Variants in LPA observed in about 807,000 individuals in gnomAD.
LPA encodes the protein lipoprotein(a), also known as apolipoprotein(a).
LPA carries 199 observed loss-of-function variants against 197.9 expected under a neutral mutation model. That is an observed-to-expected ratio of 1.01 (90% CI 0.90 to 1.13). The LOEUF (loss-of-function observed/expected upper bound fraction) is 1.13, where lower values mean the gene tolerates loss of function less well. Ranked by LOEUF, LPA falls within the 50% of genes most tolerant of loss-of-function variation. The pLI, the probability that LPA is intolerant of heterozygous loss-of-function variation, is 0.00. For synonymous variants in LPA, 715 were observed against 639.5 expected (o/e 1.12, Z -1.78); for missense variants, 1,853 against 1,785.8 (o/e 1.04, Z -0.68).
At chr6:160,555,463 GTA>G (rs1210347450) in intron 30 of LPA, among the ~76,000 whole-genome samples, 58 of 103,750 alleles carry the variant, frequency 5.6e-4, no homozygotes, top group African/African-American at 1.2e-3. Flanking sequence ...ATATGTGTGT[GTA>G]TATATATATG....
At chr6:160,661,852 A>G (rs1439399004) in intron 1 of LPA, among the ~76,000 whole-genome samples, 6 of 152,256 alleles carry the variant, frequency 3.9e-5, no homozygotes. Context: ...TTCAAAACAC[A>G]CAATAAATTA....
chr6:160,553,919 TTCTCTC>T (rs969332451), intron 30 of LPA, among the ~76,000 whole-genome samples: 17 of 111,326 alleles, frequency 1.5e-4, no homozygotes, highest in Non-Finnish European at 3.0e-4. Flanking sequence ...CTCTCTCTCT[TTCTCTC>T]TCTCTCTCTC....
At chr6:160,632,304 G>C (rs1466745211) in intron 8 of LPA, among the ~76,000 whole-genome samples, 1 of 97,210 alleles carries the variant, frequency 1.0e-5, no homozygotes, top group Non-Finnish European at 2.0e-5. Flanking sequence ...GAGCCTGTTT[G>C]TATTACCCGA....
At chr6:160,567,101 C>A (rs1235024286) in intron 28 of LPA, among the ~76,000 whole-genome samples, 1 of 152,208 alleles carries the variant, frequency 6.6e-6, no homozygotes, top group African/African-American at 2.4e-5. Flanking sequence ...AGAAAGTTAA[C>A]ATGGATATCC....
intron 28 of LPA, among the ~76,000 whole-genome samples, chr6:160,570,186 A>G (rs1054407862): frequency 1.1e-4 from 17 of 152,172 alleles, no homozygotes; most frequent in African/African-American, 3.4e-4. Context: ...ACATGCACAC[A>G]TATGTTTATT....
At chr6:160,566,372 T>C (rs1233592857) in intron 28 of LPA, among the ~76,000 whole-genome samples, 2 of 152,210 alleles carry the variant, frequency 1.3e-5, no homozygotes, top group African/African-American at 4.8e-5. Flanking sequence ...CAACTGAGAA[T>C]ATCATATCCA....
chr6:160,596,030 G>A (rs1332310426), intron 20 of LPA, among the ~76,000 whole-genome samples: 2 of 152,180 alleles, frequency 1.3e-5, no homozygotes, highest in Admixed American at 6.5e-5. Flanking sequence ...TCTCTCTACA[G>A]GACTACACTA....
chr6:160,537,960 G>A lies in LPA; in HGVS notation c.5737C>T (p.Pro1913Ser), dbSNP rs747600833. The change falls in exon 37 of 39, where the codon CCT (proline) becomes TCT (serine). Residue 1913 changes from proline to serine, a missense_variant and splice_region_variant. By Grantham distance (74) the Pro-to-Ser change is moderately conservative (BLOSUM62 -1). Transcript: ENST00000316300. Reference sequence around the variant, plus strand: ...ATTACTTTGTCAGTGATGACGGCAGGCCTGTAAGGAAAGTATTAGCAGTTA... The same window carrying A: ...ATTACTTTGTCAGTGATGACGGCAGACCTGTAAGGAAAGTATTAGCAGTTA... The part of the protein sequence containing the change: ...ADIALLKLSR[P>S]AVITDKVMPA... 63 of 1,613,978 alleles carry A rather than the reference G, an allele frequency of 3.9e-5. No homozygotes were observed. The highest frequency in any genetic ancestry group is 5.3e-5 in the Non-Finnish European group (63 of 1,179,834).
rs1476228852 is a variant in LPA at position 160,660,118 on chromosome 6, C to T, written c.49+4048G>A. The stretch of plus-strand genomic sequence containing the variant: ...ATACAGGTGTTTGATATGAATTCTA[C>T]GTAATGGCTGCATTGCTTCTTGCCA... On this transcript the variant is annotated intron_variant, in intron 1 of 38. Coordinates refer to ENST00000316300, the MANE Select transcript of LPA (RefSeq NM_005577.4). Among the ~76,000 whole-genome samples, 4 of 152,342 alleles carry T rather than the reference C, an allele frequency of 2.6e-5. No individual in the cohort carries two copies. In the East Asian group the frequency reaches 5.8e-4, roughly 22 times the overall value.
chr6:160,608,456 T>C (rs570289555), intron 16 of LPA, among the ~76,000 whole-genome samples: 8 of 152,276 alleles, frequency 5.3e-5, no homozygotes, highest in African/African-American at 1.9e-4. Context: ...GCATTAGCAA[T>C]TTGTATCACT....
chr6:160,594,207 T>C, intron 21 of LPA, 90 bp from the exon 22 acceptor site: 6 of 1,512,218 alleles, frequency 4.0e-6, no homozygotes, highest in Non-Finnish European at 5.5e-6. Flanking sequence ...GATCATTGTC[T>C]CTGAGAAAGA....
At chr6:160,588,254 G>A (rs545710849) in intron 24 of LPA, among the ~76,000 whole-genome samples, 1 of 150,706 alleles carries the variant, frequency 6.6e-6, no homozygotes, top group Non-Finnish European at 1.5e-5. Context: ...AAGGGGGGTT[G>A]AGTTTTTTTT....
At chr6:160,648,116 A>T (rs1779935236) in intron 2 of LPA, among the ~76,000 whole-genome samples, 1 of 152,174 alleles carries the variant, frequency 6.6e-6, no homozygotes, top group Admixed American at 6.5e-5. Flanking sequence ...TAGCCTTCTC[A>T]GTTGAGCTCT....
At chr6:160,572,534 T>C (rs557493801) in intron 28 of LPA, among the ~76,000 whole-genome samples, 3 of 152,344 alleles carry the variant, frequency 2.0e-5, no homozygotes, top group South Asian at 2.1e-4. Flanking sequence ...GATTCTGTTT[T>C]CATGTGTTTC....
Position 160,579,141 on chromosome 6 carries a change from T to C in LPA, c.4290-437A>G, listed in dbSNP as rs188358271. On this transcript the variant is annotated intron_variant, in intron 26 of 38. Transcript: ENST00000316300. ...ATAAGACTATATAGTAATATGTAAGTTGGAACTCAAATACATTTCCCCAAG... is the reference window on the plus strand; with the variant it reads ...ATAAGACTATATAGTAATATGTAAGCTGGAACTCAAATACATTTCCCCAAG... Among the ~76,000 whole-genome samples, 382 of 152,254 alleles carry C rather than the reference T, an allele frequency of 2.5e-3. 1 individual carries two copies. Among genetic ancestry groups the C allele is most frequent in the Non-Finnish European group, 4.3e-3 (291 of 68,020 alleles).
intron 20 of LPA, among the ~76,000 whole-genome samples, chr6:160,597,998 G>GT (rs1359226367): frequency 2.0e-5 from 3 of 152,286 alleles, no homozygotes; most frequent in South Asian, 4.1e-4. Flanking sequence ...GCTTTGCTAG[G>GT]TTTTTTCTGG....
At chr6:160,544,407 A>T (rs1160080068) in intron 33 of LPA, among the ~76,000 whole-genome samples, 1 of 152,118 alleles carries the variant, frequency 6.6e-6, no homozygotes, top group East Asian at 1.9e-4. Context: ...ACTCACACTA[A>T]ATCCAGAGAC....
At chr6:160,533,545 A>G (rs1777839137) in intron 37 of LPA, among the ~76,000 whole-genome samples, 1 of 152,132 alleles carries the variant, frequency 6.6e-6, no homozygotes, top group South Asian at 2.1e-4. Flanking sequence ...TTTGTTCATA[A>G]ATTTCATTCT....
chr6:160,589,690 T>C lies in LPA; in HGVS notation c.3810A>G (p.Thr1270=). Residue 1270 remains threonine, a synonymous_variant, in exon 24 of 39, where the codon ACA becomes ACG. Coordinates refer to ENST00000316300, the MANE Select transcript of LPA (RefSeq NM_005577.4). ...SEQAPTEQSP[T]VQDCYHGDGQ... ...CATCACCATGGTAGCAGTCCTGGAC[T>C]GTGGGGCTTTGCTCCGTTGGTGCTG... The C allele has an allele frequency of 6.2e-7, 1 of 1,613,870 alleles. No individual in the cohort carries two copies. Among genetic ancestry groups the C allele is most frequent in the South Asian group, 1.1e-5 (1 of 91,084 alleles).
Sources: gnomAD v4.1 joint callset for allele counts (sites outside exome capture counted in the v4.1 genomes callset) on GRCh38, gnomAD v4.1.1 for gene constraint, MANE v1.5 for transcripts, NCBI Gene and HGNC (gene_info 2026-07-23, HGNC 2026-07-21) for gene names.